Variants in MRPS27 observed in about 807,000 individuals in gnomAD.
The protein encoded by MRPS27 is mitochondrial ribosomal protein S27.
In MRPS27, 43 loss-of-function variants were observed where a neutral mutation model predicts 48.9. The ratio of observed to expected loss-of-function variants is 0.88; its 90% CI spans 0.69 to 1.13. MRPS27 has a LOEUF of 1.13. MRPS27 is among the 50% of genes most tolerant of loss of function. The pLI, the probability that MRPS27 is intolerant of heterozygous loss-of-function variation, is 0.00. For missense variants in MRPS27, 467 were observed against 476.3 expected (o/e 0.98, Z 0.18); for synonymous variants, 188 against 171.9 (o/e 1.09, Z -0.73).
chr5:72,255,029 C>CTTTTTTTTTT (rs70999273), intron 4 of MRPS27, among the ~76,000 whole-genome samples: 2 of 72,090 alleles, frequency 2.8e-5, no homozygotes, highest in Non-Finnish European at 5.5e-5. Flanking sequence ...CATTTCTTTT[C>CTTTTTTTTTT]TTTTTTTTTT....
chr5:72,301,891 C>T (rs1339735458), intron 2 of MRPS27, among the ~76,000 whole-genome samples: 1 of 152,236 alleles, frequency 6.6e-6, no homozygotes, highest in African/African-American at 2.4e-5. Flanking sequence ...GGGCCAGCGC[C>T]ACAGGCTTCT....
intron 2 of MRPS27, among the ~76,000 whole-genome samples, chr5:72,306,802 AC>A (rs761566015): frequency 3.3e-4 from 50 of 152,200 alleles, no homozygotes; most frequent in Non-Finnish European, 7.1e-4. Flanking sequence ...ATATAAAAAA[AC>A]CCCGATAATT....
chr5:72,275,607 C>T (rs984857777), intron 4 of MRPS27, among the ~76,000 whole-genome samples: 2 of 152,176 alleles, frequency 1.3e-5, no homozygotes, highest in African/African-American at 4.8e-5. Flanking sequence ...TGCTCAAAAT[C>T]CTAAACAAAT....
intron 4 of MRPS27, among the ~76,000 whole-genome samples, chr5:72,284,718 C>T (rs1318701950): frequency 2.0e-5 from 3 of 152,118 alleles, no homozygotes; most frequent in African/African-American, 7.2e-5. Context: ...CATCAAAGCA[C>T]ATGTATACAT....
intron 4 of MRPS27, among the ~76,000 whole-genome samples, chr5:72,249,791 C>G (rs1226141985): frequency 1.3e-5 from 2 of 152,032 alleles, no homozygotes; most frequent in Non-Finnish European, 2.9e-5. Context: ...ACCATCCTGG[C>G]TAACACGGTG....
At chr5:72,239,414 G>T (rs1437510618) in intron 4 of MRPS27, among the ~76,000 whole-genome samples, 1 of 152,186 alleles carries the variant, frequency 6.6e-6, no homozygotes, top group Non-Finnish European at 1.5e-5. Context: ...TATGGATTTA[G>T]GGTCTTCTAG....
intron 4 of MRPS27, among the ~76,000 whole-genome samples, chr5:72,242,817 T>C (rs1272347072): frequency 6.6e-6 from 1 of 152,166 alleles, no homozygotes; most frequent in East Asian, 1.9e-4. Context: ...GTTGAACGGC[T>C]AAAGTGGCAA....
chr5:72,251,126 T>C (rs1426294913), intron 4 of MRPS27, among the ~76,000 whole-genome samples: 1 of 152,180 alleles, frequency 6.6e-6, no homozygotes, highest in Non-Finnish European at 1.5e-5. Context: ...TTATGATTAT[T>C]ACCATCCACA....
chr5:72,234,110 G>C lies in MRPS27; in HGVS notation c.475+9C>G. 1 of 1,503,226 alleles carries C rather than the reference G, an allele frequency of 6.7e-7. No individual in the cohort carries two copies. The highest frequency in any genetic ancestry group is 8.9e-7 in the Non-Finnish European group (1 of 1,129,442). The allele number at this position is 1,503,226 out of a possible 1,614,324, so 93.1% of individuals were successfully genotyped here. A position where few individuals can be genotyped will look rare whatever the true frequency, so the allele number is the denominator to read the frequency against. Reference sequence around the variant, plus strand: ...CCTATAAACACTGAATCTGGGGTTAGTTTCTTACCTTTGTAATTTTCTTTC... The same window carrying C: ...CCTATAAACACTGAATCTGGGGTTACTTTCTTACCTTTGTAATTTTCTTTC... On this transcript the variant is annotated intron_variant, in intron 6 of 10. Transcript: ENST00000261413.
At chr5:72,316,902 G>A (rs1750577899) in intron 1 of MRPS27, among the ~76,000 whole-genome samples, 1 of 151,726 alleles carries the variant, frequency 6.6e-6, no homozygotes, top group African/African-American at 2.4e-5. Context: ...GGTGGTGCAT[G>A]CCTGTAATCC....
At chr5:72,315,390 C>T (rs1750539395) in intron 1 of MRPS27, among the ~76,000 whole-genome samples, 1 of 151,746 alleles carries the variant, frequency 6.6e-6, no homozygotes. Flanking sequence ...AACCCCGTTT[C>T]TACAAAAAAC....
chr5:72,283,598 AG>A (rs1749586129), intron 4 of MRPS27, among the ~76,000 whole-genome samples: 1 of 152,222 alleles, frequency 6.6e-6, no homozygotes, highest in African/African-American at 2.4e-5. Context: ...CCAATACACC[AG>A]GAAGACCCAA....
intron 4 of MRPS27, among the ~76,000 whole-genome samples, chr5:72,274,527 A>C (rs1229760471): frequency 6.6e-6 from 1 of 152,216 alleles, no homozygotes; most frequent in East Asian, 1.9e-4. Context: ...CTTCTTCTGG[A>C]TACCTCCTGA....
chr5:72,269,072 T>A (rs1749169438), intron 4 of MRPS27, among the ~76,000 whole-genome samples: 1 of 152,198 alleles, frequency 6.6e-6, no homozygotes, highest in Non-Finnish European at 1.5e-5. Context: ...TTGCTCTGAT[T>A]ACATTATTTG....
intron 4 of MRPS27, among the ~76,000 whole-genome samples, chr5:72,279,914 T>C (rs777955224): frequency 2.0e-5 from 3 of 152,206 alleles, no homozygotes; most frequent in Admixed American, 2.0e-4. Context: ...TTCATATATT[T>C]TGAAGTAAGA....
intron 10 of MRPS27, among the ~76,000 whole-genome samples, chr5:72,221,603 C>G (rs1747743181): frequency 6.6e-6 from 1 of 152,210 alleles, no homozygotes; most frequent in Admixed American, 6.5e-5. Flanking sequence ...AATAAGAATT[C>G]TAATATGCAA....
intron 4 of MRPS27, 115 bp downstream of exon 4, chr5:72,295,416 T>C (rs1277570145): frequency 1.3e-6 from 1 of 742,242 alleles, no homozygotes; most frequent in Non-Finnish European, 2.3e-6. Context: ...TATGAAAAGA[T>C]CTTTAAAATA....
At chr5:72,271,846 G>A (rs1210123655) in intron 4 of MRPS27, among the ~76,000 whole-genome samples, 1 of 152,122 alleles carries the variant, frequency 6.6e-6, no homozygotes, top group South Asian at 2.1e-4. Flanking sequence ...AAAGGAGCAC[G>A]TGCCAGCCAT....
At chr5:72,245,786 T>C (rs1172946062) in intron 4 of MRPS27, among the ~76,000 whole-genome samples, 2 of 152,126 alleles carry the variant, frequency 1.3e-5, no homozygotes, top group Non-Finnish European at 2.9e-5. Flanking sequence ...TGTTTGTATG[T>C]GAGATTACGG....
Sources: gnomAD v4.1 joint callset for allele counts (sites outside exome capture counted in the v4.1 genomes callset) on GRCh38, gnomAD v4.1.1 for gene constraint, MANE v1.5 for transcripts, NCBI Gene and HGNC (gene_info 2026-07-23, HGNC 2026-07-21) for gene names.